The following RYK variants were observed in gnomAD, a reference collection of about 807,000 sequenced individuals.
RYK encodes the protein inactive tyrosine-protein kinase RYK.
A neutral mutation model predicts 70.2 loss-of-function variants in RYK; 21 were observed. The observed-to-expected ratio is 0.30, with a 90% CI of 0.21 to 0.43. The LOEUF (loss-of-function observed/expected upper bound fraction) is 0.43. Among genes scored for constraint, RYK ranks in the 20% least tolerant of loss-of-function variants. RYK has a pLI of 1.00. For missense variants in RYK, 604 were observed against 753.3 expected, an observed-to-expected ratio of 0.80 and a Z score of 2.32; for synonymous variants, 267 against 278.0, an observed-to-expected ratio of 0.96 and a Z score of 0.39.
At chr3:134,185,109 G>A (rs1251383365) in intron 9 of RYK, among the ~76,000 whole-genome samples, 1 of 151,122 alleles carries the variant, frequency 6.6e-6, no homozygotes, top group African/African-American at 2.4e-5. Flanking sequence ...ACTCCAGCCT[G>A]GGTGACAGAG....
intron 7 of RYK, among the ~76,000 whole-genome samples, chr3:134,194,040 C>G (rs904622946): frequency 6.6e-6 from 1 of 152,206 alleles, no homozygotes; most frequent in African/African-American, 2.4e-5. Context: ...TGGCAGAGTT[C>G]CCCATTTTCC....
At chr3:134,217,316 T>A (rs2014587085) in intron 2 of RYK, among the ~76,000 whole-genome samples, 1 of 152,166 alleles carries the variant, frequency 6.6e-6, no homozygotes, top group East Asian at 1.9e-4. Flanking sequence ...AGTTCATGAT[T>A]ACACCTCAGG....
chr3:134,250,413 C>T lies in RYK; in HGVS notation c.232+10G>A. 2 of 1,386,312 alleles carry T rather than the reference C, an allele frequency of 1.4e-6. No homozygotes were observed. The highest frequency in any genetic ancestry group is 2.7e-5 in the Admixed American group (1 of 36,808). 85.9% of individuals were successfully genotyped at this position (1,386,312 alleles called of 1,614,324 possible). A position where few individuals can be genotyped will look rare whatever the true frequency, so the allele number is the denominator to read the frequency against. ...GACCTGCCCGCCCCGGCCTCGGCGG[C>T]CCCACTCACCGATCAGCCGGCGCAC... On this transcript the variant is annotated intron_variant, in intron 1 of 14. Transcript: ENST00000623711.
chr3:134,249,917 G>GTTTTTTTTTTTT lies in RYK; in HGVS notation c.232+494_232+505dup, dbSNP rs71624038. Among the ~76,000 whole-genome samples the GTTTTTTTTTTTT allele has an allele frequency of 9.4e-4, 88 of 93,322 alleles. 11 individuals carry two copies. The highest frequency in any genetic ancestry group is 4.6e-3 in the African/African-American group (86 of 18,890). The allele number at this position is 93,322 out of a possible 152,430, so 61.2% of individuals were successfully genotyped here. A position where few individuals can be genotyped will look rare whatever the true frequency, so the allele number is the denominator to read the frequency against. Reference sequence around the variant, plus strand: ...TATAACCTCCCCTTCTTTCTCTCTCGTTTTTTTTTTTTTTTTTTTTTTTTT... The same window carrying GTTTTTTTTTTTT: ...TATAACCTCCCCTTCTTTCTCTCTCGTTTTTTTTTTTTTTTTTTTTTTTTTTTTTTTTTTTTT... On this transcript the variant is annotated intron_variant, in intron 1 of 14. Transcript: ENST00000623711.
At chr3:134,219,152 C>T (rs1198562826) in intron 2 of RYK, among the ~76,000 whole-genome samples, 1 of 152,098 alleles carries the variant, frequency 6.6e-6, no homozygotes, top group East Asian at 1.9e-4. Context: ...ACCAAGGCTT[C>T]TCCTAACCCA....
chr3:134,211,416 A>G, intron 3 of RYK, 92 bp downstream of exon 3: 1 of 753,938 alleles, frequency 1.3e-6, no homozygotes, highest in Non-Finnish European at 2.2e-6. Flanking sequence ...ATCAAGTAAT[A>G]CACACTACAC....
At chr3:134,175,861 A>G (rs1420615296) in intron 12 of RYK, 69 bp downstream of exon 12, 7 of 1,545,904 alleles carry the variant, frequency 4.5e-6, no homozygotes, top group Non-Finnish European at 6.2e-6. Context: ...TCCCACTGTG[A>G]CTCGCAGAGA....
chr3:134,241,758 C>G (rs2015332031), intron 1 of RYK, among the ~76,000 whole-genome samples: 1 of 152,196 alleles, frequency 6.6e-6, no homozygotes, highest in Non-Finnish European at 1.5e-5. Context: ...AGTCACATAG[C>G]CCCACACATC....
chr3:134,233,167 G>GT (rs2015106028), intron 1 of RYK, among the ~76,000 whole-genome samples: 1 of 152,194 alleles, frequency 6.6e-6, no homozygotes, highest in Admixed American at 6.5e-5. Flanking sequence ...ATGCTAAATG[G>GT]TTTGACTGGG....
At chr3:134,226,047 C>T (rs891444067) in intron 1 of RYK, among the ~76,000 whole-genome samples, 3 of 151,864 alleles carry the variant, frequency 2.0e-5, no homozygotes, top group Non-Finnish European at 4.4e-5. Flanking sequence ...GGCTACCTTC[C>T]CTGATCAAAT....
rs570951007 is a variant in RYK, at chr3:134,193,154, T to C, written c.890-1180A>G. 1.6e-4 allele frequency among the ~76,000 whole-genome samples: 24 copies of C among 152,278 alleles called. No individual in the cohort carries two copies. The South Asian group carries it at 2.5e-3, about 16-fold the overall frequency. On this transcript the variant is annotated intron_variant, in intron 7 of 14. Coordinates refer to ENST00000623711, the MANE Select transcript of RYK (RefSeq NM_002958.4). ...GTAAATTTCTTATTGATGGCAACAATTTTTAAAAGATAAATAAATTTATTT... is the reference window on the plus strand; with the variant it reads ...GTAAATTTCTTATTGATGGCAACAACTTTTAAAAGATAAATAAATTTATTT...
At position 134,202,798 on chromosome 3, in the gene RYK, T is replaced by C. The variant is rs2014067324; in HGVS notation, c.720A>G (p.Ile240Met). The C allele has an allele frequency of 6.2e-7, 1 of 1,613,558 alleles. No individual in the cohort carries two copies. The highest frequency in any genetic ancestry group is 2.2e-5 in the East Asian group (1 of 44,852). The change falls in exon 6 of 15, where the codon ATA becomes ATG. Residue 240 changes from isoleucine to methionine, a missense_variant. Physicochemically the swap from Ile to Met is conservative, Grantham distance 10 (BLOSUM62 1). Transcript: ENST00000623711. ...YISVGVCCAVIFLVAIILAVL... is the reference protein window; with the variant it reads ...YISVGVCCAVMFLVAIILAVL... ...CAGCTAATATTATTGCTACGAGAAATATTACTGCACAACAAACCCCTACAC... is the reference window on the plus strand; with the variant it reads ...CAGCTAATATTATTGCTACGAGAAACATTACTGCACAACAAACCCCTACAC...
chr3:134,228,355 A>G (rs2014965406), intron 1 of RYK, among the ~76,000 whole-genome samples: 2 of 152,204 alleles, frequency 1.3e-5, no homozygotes, highest in African/African-American at 4.8e-5. Flanking sequence ...ATATCCAAAG[A>G]AAATGAAATT....
rs377369714 is a variant in RYK, at chr3:134,158,112, G to A, written c.*41C>T. 1.1e-5 allele frequency: 13 copies of A among 1,203,414 alleles called. No homozygotes were observed. Among genetic ancestry groups the A allele is most frequent in the Admixed American group, 5.8e-5 (2 of 34,456 alleles). 74.5% of individuals were successfully genotyped at this position (1,203,414 alleles called of 1,614,324 possible). ...CCCTGACAGGCTTCAAGTGAGCCCC[G>A]ACAGGCACCTTCTTCCTGATGGTGT... On this transcript the variant is annotated 3_prime_UTR_variant, in exon 15 of 15. Transcript: ENST00000623711.
chr3:134,246,128 G>C (rs1349435196), intron 1 of RYK, among the ~76,000 whole-genome samples: 2 of 151,718 alleles, frequency 1.3e-5, no homozygotes, highest in African/African-American at 2.4e-5. Flanking sequence ...CAATGAAATG[G>C]AAACAGAAAA....
intron 9 of RYK, among the ~76,000 whole-genome samples, chr3:134,188,173 T>A (rs1156536007): frequency 3.3e-4 from 49 of 147,662 alleles, no homozygotes; most frequent in African/African-American, 1.1e-3. Context: ...ATATATTTTT[T>A]TTTTTTTTTG....
intron 13 of RYK, among the ~76,000 whole-genome samples, chr3:134,169,946 T>G (rs1238234188): frequency 6.6e-6 from 1 of 152,224 alleles, no homozygotes; most frequent in Non-Finnish European, 1.5e-5. Flanking sequence ...TGACTGTGTG[T>G]ACACATTTCC....
intron 13 of RYK, among the ~76,000 whole-genome samples, chr3:134,173,593 C>T (rs1403067221): frequency 6.6e-6 from 1 of 152,118 alleles, no homozygotes; most frequent in Non-Finnish European, 1.5e-5. Context: ...CTGATAAAAG[C>T]ATCAGATCTC....
At position 134,183,017 on chromosome 3, in the gene RYK, C is replaced by T. The variant is rs771659243; in HGVS notation, c.1157G>A (p.Arg386Gln). 1.9e-6 allele frequency: 3 copies of T among 1,587,052 alleles called. No individual in the cohort carries two copies. Among genetic ancestry groups the T allele is most frequent in the Admixed American group, 1.7e-5 (1 of 57,738 alleles). ...CTCCTCTCACCTGTGATGAAGACCT[C>T]GCAGCTTACAACTTTCAGTGAGCAT... Reference protein sequence around the residue: ...TMMLTESCKLRGLHHRNLLPI... With the variant: ...TMMLTESCKLQGLHHRNLLPI... The change falls in exon 10 of 15, where the codon CGA (arginine) becomes CAA (glutamine). Residue 386 changes from arginine (R) to glutamine (Q), a missense_variant. By Grantham distance (43) the Arg-to-Gln change is conservative (BLOSUM62 1). Around this residue, in one of 2 missense-constraint regions of RYK, gnomAD observed 466 missense variants for 535.9 expected, o/e 0.87. Transcript: ENST00000623711.
Sources: gnomAD v4.1 joint callset for allele counts (sites outside exome capture counted in the v4.1 genomes callset) on GRCh38, gnomAD v4.1.1 for gene constraint, gnomAD v4.1.1 regional missense constraint, MANE v1.5 for transcripts, NCBI Gene and HGNC (gene_info 2026-07-23, HGNC 2026-07-21) for gene names.